The following NDUFS4 variants were observed in gnomAD, a reference collection of about 807,000 sequenced individuals.
NDUFS4 encodes NADH:ubiquinone oxidoreductase subunit S4, also known as NADH dehydrogenase [ubiquinone] iron-sulfur protein 4, mitochondrial.
NDUFS4 carries 28 observed loss-of-function variants against 24.3 expected under a neutral mutation model. That is an observed-to-expected ratio of 1.15 (90% CI 0.85 to 1.58). NDUFS4 has a LOEUF of 1.58. NDUFS4 is among the 40% of genes most tolerant of loss of function. NDUFS4 has a pLI of 0.00. For synonymous variants in NDUFS4, 93 were observed against 69.7 expected (o/e 1.34, Z -1.67); for missense variants, 223 against 207.9 (o/e 1.07, Z -0.45).
At chr5:53,579,763 G>T (rs562917351) in intron 1 of NDUFS4, among the ~76,000 whole-genome samples, 1 of 152,156 alleles carries the variant, frequency 6.6e-6, no homozygotes, top group Non-Finnish European at 1.5e-5. Context: ...TAAAGTTGAG[G>T]ATCTTGAGAT....
At chr5:53,594,896 G>A (rs560342332) in intron 1 of NDUFS4, among the ~76,000 whole-genome samples, 2 of 151,854 alleles carry the variant, frequency 1.3e-5, no homozygotes, top group South Asian at 2.1e-4. Flanking sequence ...GTGTGTGTGT[G>A]TGTATATGCG....
intron 1 of NDUFS4, among the ~76,000 whole-genome samples, chr5:53,581,335 C>G (rs984378913): frequency 3.9e-5 from 6 of 152,084 alleles, no homozygotes; most frequent in Non-Finnish European, 5.9e-5. Flanking sequence ...ACTGATCTCC[C>G]TCTCATCAGT....
At chr5:53,654,826 A>G (rs548242997) in intron 3 of NDUFS4, among the ~76,000 whole-genome samples, 4 of 152,126 alleles carry the variant, frequency 2.6e-5, no homozygotes, top group Admixed American at 6.6e-5. Context: ...TATAATGCTA[A>G]TTTTTACATT....
chr5:53,568,435 C>T (rs1284780718), intron 1 of NDUFS4, among the ~76,000 whole-genome samples: 2 of 151,958 alleles, frequency 1.3e-5, no homozygotes. Context: ...ATATATTTTT[C>T]CTTGGGAGAG....
In NDUFS4 at chr5:53,560,761, G is replaced by GT. The variant is rs1389748716; in HGVS notation, c.98+2dup. On this transcript the variant is annotated splice_donor_variant, in intron 1 of 4. Transcript: ENST00000296684. LOFTEE classifies it high-confidence loss of function. ...TTTCCGTTTCCAGGGTTCCGACCAGGTAATAGAATTTTCACACTTTTCTTC... is the reference window on the plus strand; with the variant it reads ...TTTCCGTTTCCAGGGTTCCGACCAGGTTAATAGAATTTTCACACTTTTCTTC... 1 of 1,614,040 alleles carries GT rather than the reference G, an allele frequency of 6.2e-7. No individual in the cohort carries two copies. Among genetic ancestry groups the GT allele is most frequent in the East Asian group, 2.2e-5 (1 of 44,894 alleles).
At chr5:53,672,200 A>G (rs888756210) in intron 4 of NDUFS4, among the ~76,000 whole-genome samples, 1 of 151,934 alleles carries the variant, frequency 6.6e-6, no homozygotes. Flanking sequence ...GAGGGTCTCA[A>G]CCTCACATCC....
chr5:53,617,089 C>G (rs564428044), intron 2 of NDUFS4, among the ~76,000 whole-genome samples: 1 of 152,310 alleles, frequency 6.6e-6, no homozygotes, highest in African/African-American at 2.4e-5. Context: ...AAAGATTTGT[C>G]ATAGTGGTAA....
At chr5:53,624,451 T>C (rs1030016226) in intron 2 of NDUFS4, among the ~76,000 whole-genome samples, 6 of 152,252 alleles carry the variant, frequency 3.9e-5, no homozygotes, top group Non-Finnish European at 8.8e-5. Flanking sequence ...TTAACAATAC[T>C]GATGTTTCCA....
intron 3 of NDUFS4, among the ~76,000 whole-genome samples, chr5:53,657,020 C>G (rs1363346397): frequency 6.6e-6 from 1 of 152,122 alleles, no homozygotes; most frequent in African/African-American, 2.4e-5. Context: ...TAAGTTGTTA[C>G]TATTTGATTT....
intron 1 of NDUFS4, among the ~76,000 whole-genome samples, chr5:53,602,194 A>G (rs140262606): frequency 1.3e-5 from 2 of 152,310 alleles, no homozygotes; most frequent in Admixed American, 1.3e-4. Context: ...TAAATTTTTT[A>G]ATTGCCATGT....
At chr5:53,674,193 G>T (rs555604010) in intron 4 of NDUFS4, among the ~76,000 whole-genome samples, 2 of 152,308 alleles carry the variant, frequency 1.3e-5, no homozygotes, top group South Asian at 2.1e-4. Context: ...TATATTGTGT[G>T]TGGAAATATG....
In NDUFS4 at chr5:53,647,296, C is replaced by T. The variant is rs1487239494; in HGVS notation, c.350+891C>T. On this transcript the variant is annotated intron_variant, in intron 3 of 4. Transcript: ENST00000296684. ...GATGTGATCCTAGCTCACTGCAGCC[C>T]TGAACTCTGGGATGATCAAGCGGTC... is the stretch of plus-strand genomic sequence containing the variant. 2.6e-5 allele frequency among the ~76,000 whole-genome samples: 4 copies of T among 152,180 alleles called. No individual in the cohort carries two copies. The East Asian group carries it at 7.7e-4, about 29-fold the overall frequency.
intron 2 of NDUFS4, among the ~76,000 whole-genome samples, chr5:53,645,338 G>A (rs1237043738): frequency 6.6e-6 from 1 of 152,068 alleles, no homozygotes; most frequent in Non-Finnish European, 1.5e-5. Context: ...CTTGGCAATG[G>A]CCTTGAGCAG....
rs540922902 is a variant in NDUFS4, at chr5:53,624,166, C to G, written c.177+20636C>G. The stretch of plus-strand genomic sequence containing the variant: ...GGCACTTCTTTAAAAAACCAATTGG[C>G]TATATATGCAAGGGTTTATTTCTAG... On this transcript the variant is annotated intron_variant, in intron 2 of 4. Transcript: ENST00000296684. Among the ~76,000 whole-genome samples, 120 of 152,120 alleles carry G rather than the reference C, an allele frequency of 7.9e-4. 9 individuals are homozygous for G. Among genetic ancestry groups the G allele is most frequent in the Non-Finnish European group, 2.9e-5 (2 of 68,004 alleles).
At chr5:53,579,182 C>T (rs1449408371) in intron 1 of NDUFS4, among the ~76,000 whole-genome samples, 1 of 150,586 alleles carries the variant, frequency 6.6e-6, no homozygotes, top group Non-Finnish European at 1.5e-5. Context: ...AGTTTTCTTT[C>T]AGAATACATT....
At position 53,654,431 on chromosome 5, in the gene NDUFS4, A is replaced by G. The variant is rs868640268; in HGVS notation, c.351-4120A>G. Among the ~76,000 whole-genome samples, 6 of 152,256 alleles carry G rather than the reference A, an allele frequency of 3.9e-5. No individual in the cohort carries two copies. In the South Asian group the frequency reaches 8.3e-4, roughly 21 times the overall value. On this transcript the variant is annotated intron_variant, in intron 3 of 4. Transcript: ENST00000296684. ...GTGCACACATAACTTCTATAGCAGA[A>G]TATAATTTTTTTTTGCTCAGCTATT...
At chr5:53,653,926 G>A (rs1306153777) in intron 3 of NDUFS4, among the ~76,000 whole-genome samples, 1 of 151,986 alleles carries the variant, frequency 6.6e-6, no homozygotes, top group East Asian at 1.9e-4. Flanking sequence ...GCCACATTAT[G>A]TACTGTCTCT....
intron 4 of NDUFS4, among the ~76,000 whole-genome samples, chr5:53,669,777 A>G (rs563382736): frequency 2.0e-5 from 3 of 152,276 alleles, no homozygotes; most frequent in South Asian, 2.1e-4. Flanking sequence ...GACAAGTCCT[A>G]TTTATCTTTT....
chr5:53,609,510 G>C (rs1193847140), intron 2 of NDUFS4, among the ~76,000 whole-genome samples: 1 of 152,208 alleles, frequency 6.6e-6, no homozygotes, highest in Non-Finnish European at 1.5e-5. Context: ...AGAGGCAGAA[G>C]AGATTTAGCA....
Sources: allele counts gnomAD v4.1 joint callset (sites outside exome capture counted in the v4.1 genomes callset), GRCh38; gene constraint gnomAD v4.1.1; transcripts MANE v1.5; gene names NCBI Gene and HGNC (gene_info 2026-07-23, HGNC 2026-07-21).